EYA2: variants seen among roughly 807,000 people sequenced by gnomAD.
EYA2 encodes the protein EYA transcriptional coactivator and phosphatase 2, also known as protein phosphatase EYA2.
A neutral mutation model predicts 69.2 loss-of-function variants in EYA2; 31 were observed. The observed-to-expected ratio is 0.45, with a 90% CI of 0.34 to 0.60. The LOEUF (loss-of-function observed/expected upper bound fraction) is 0.60, where lower values mean the gene tolerates loss of function less well. Among genes scored for constraint, EYA2 ranks in the 20% least tolerant of loss-of-function variants. The pLI is 0.02. For synonymous variants in EYA2, 257 were observed against 279.4 expected (o/e 0.92, Z 0.80); for missense variants, 622 against 701.2 (o/e 0.89, Z 1.28).
At chr20:47,033,416 G>A (rs1984530031) in intron 5 of EYA2, among the ~76,000 whole-genome samples, 1 of 152,174 alleles carries the variant, frequency 6.6e-6, no homozygotes, top group Non-Finnish European at 1.5e-5. Flanking sequence ...AAATGGCATG[G>A]CTGTGTTCCA....
At chr20:46,940,532 C>T (rs1259501028) in intron 1 of EYA2, among the ~76,000 whole-genome samples, 2 of 152,176 alleles carry the variant, frequency 1.3e-5, no homozygotes, top group Non-Finnish European at 2.9e-5. Flanking sequence ...GTTACAGAGG[C>T]CACATATCTA....
rs565212312 is a variant in EYA2, at chr20:47,057,514, C to T, written c.416-14671C>T. ...CTGCTGACTACTTTTTATATCACCCCCCCCCCCCATCTCATACCTCCAGAC... is the reference window on the plus strand; with the variant it reads ...CTGCTGACTACTTTTTATATCACCCTCCCCCCCCATCTCATACCTCCAGAC... On this transcript the variant is annotated intron_variant, in intron 5 of 15. Coordinates refer to ENST00000327619, the MANE Select transcript of EYA2 (RefSeq NM_005244.5). Among the ~76,000 whole-genome samples the T allele has an allele frequency of 5.1e-4, 76 of 149,812 alleles. 2 individuals carry two copies. The highest frequency in any genetic ancestry group is 1.1e-3 in the Admixed American group (16 of 15,128).
intron 5 of EYA2, among the ~76,000 whole-genome samples, chr20:47,067,406 C>T (rs2031153146): frequency 6.6e-6 from 1 of 151,842 alleles, no homozygotes; most frequent in Non-Finnish European, 1.5e-5. Flanking sequence ...CTATAGTCAA[C>T]AAAAATTTAA....
chr20:46,936,465 C>T (rs1055138905), intron 1 of EYA2, among the ~76,000 whole-genome samples: 1 of 152,056 alleles, frequency 6.6e-6, no homozygotes, highest in Non-Finnish European at 1.5e-5. Context: ...AGCAAGAATC[C>T]GTCTCAATAA....
chr20:46,954,581 T>G (rs1979003795), intron 1 of EYA2, among the ~76,000 whole-genome samples: 1 of 152,124 alleles, frequency 6.6e-6, no homozygotes, highest in African/African-American at 2.4e-5. Context: ...ATGCCACCTC[T>G]CTCCACAAAT....
At chr20:47,169,232 T>A in intron 11 of EYA2, 35 bp downstream of exon 11, 1 of 1,590,356 alleles carries the variant, frequency 6.3e-7, no homozygotes, top group Non-Finnish European at 8.6e-7. Context: ...GCCCATTGAT[T>A]GATTGATTGA....
chr20:47,173,509 TAA>T (rs767756028), intron 12 of EYA2, among the ~76,000 whole-genome samples: 4 of 83,648 alleles, frequency 4.8e-5, no homozygotes, highest in Admixed American at 3.2e-4. Flanking sequence ...TGAGACCCCG[TAA>T]AAAAAAAAAA....
intron 5 of EYA2, among the ~76,000 whole-genome samples, chr20:47,038,660 A>C (rs1984853373): frequency 6.6e-6 from 1 of 152,234 alleles, no homozygotes; most frequent in Non-Finnish European, 1.5e-5. Context: ...ATTTTTAATT[A>C]TACAGTAAGG....
intron 1 of EYA2, among the ~76,000 whole-genome samples, chr20:46,961,907 G>T (rs1387981285): frequency 6.6e-6 from 1 of 152,244 alleles, no homozygotes; most frequent in East Asian, 1.9e-4. Context: ...TAACAGATAT[G>T]AAATTACAGC....
chr20:46,991,519 A>G (rs1451584795), intron 2 of EYA2, among the ~76,000 whole-genome samples: 1 of 152,240 alleles, frequency 6.6e-6, no homozygotes, highest in Admixed American at 6.5e-5. Context: ...AAATAACCAC[A>G]GTAAATTCAA....
At chr20:46,991,618 G>C (rs1981663862) in intron 2 of EYA2, among the ~76,000 whole-genome samples, 1 of 152,178 alleles carries the variant, frequency 6.6e-6, no homozygotes, top group South Asian at 2.1e-4. Context: ...AAGTAAAAGT[G>C]AATTTGTAAA....
intron 1 of EYA2, among the ~76,000 whole-genome samples, chr20:46,958,078 C>G (rs1392991253): frequency 6.6e-6 from 1 of 152,142 alleles, no homozygotes; most frequent in African/African-American, 2.4e-5. Context: ...CACCATGGCT[C>G]CGAAATAGCT....
Position 47,019,249 on chromosome 20 carries a change from C to T in EYA2, c.415+2952C>T, listed in dbSNP as rs553217816. ...TCTCTTCTCGCCCTACCATGGGAAT[C>T]GTCCAGGTTATTTTCTTATCCTCCT... On this transcript the variant is annotated intron_variant, in intron 5 of 15. Transcript: ENST00000327619. Among the ~76,000 whole-genome samples, 10 of 152,312 alleles carry T rather than the reference C, an allele frequency of 6.6e-5. No homozygotes were observed. The East Asian group carries it at 1.7e-3, about 26-fold the overall frequency.
chr20:46,965,957 G>A (rs990000566), intron 1 of EYA2, among the ~76,000 whole-genome samples: 4 of 152,226 alleles, frequency 2.6e-5, no homozygotes, highest in South Asian at 2.1e-4. Context: ...CTGTGTTCAC[G>A]GAATCCAGTG....
rs577443454 is a variant in EYA2 at position 47,075,648 on chromosome 20, C to A, written c.661+1313C>A. Among the ~76,000 whole-genome samples, 242 of 152,224 alleles carry A rather than the reference C, an allele frequency of 1.6e-3. 3 individuals are homozygous for A. Among genetic ancestry groups the A allele is most frequent in the African/African-American group, 5.3e-3 (220 of 41,540 alleles). ...GGGTTCAAGTATAGCGACTCAGGGTCCTCAAGAATTATACAATCCTTCAAA... is the reference window on the plus strand; with the variant it reads ...GGGTTCAAGTATAGCGACTCAGGGTACTCAAGAATTATACAATCCTTCAAA... On this transcript the variant is annotated intron_variant, in intron 7 of 15. Transcript: ENST00000327619.
chr20:47,163,311 G>A (rs1427998631), intron 10 of EYA2, among the ~76,000 whole-genome samples: 1 of 152,162 alleles, frequency 6.6e-6, no homozygotes, highest in East Asian at 1.9e-4. Context: ...GATTACAGAT[G>A]TAAGCCACCG....
intron 9 of EYA2, among the ~76,000 whole-genome samples, chr20:47,137,744 T>G (rs1198712169): frequency 6.6e-6 from 1 of 152,218 alleles, no homozygotes; most frequent in Non-Finnish European, 1.5e-5. Context: ...AATTTTTTTT[T>G]CTTTTAGTTT....
chr20:47,146,706 G>T (rs1003235571), intron 10 of EYA2, among the ~76,000 whole-genome samples: 1 of 152,206 alleles, frequency 6.6e-6, no homozygotes, highest in African/African-American at 2.4e-5. Flanking sequence ...ACCAGAGAGA[G>T]GCGTGCTCAA....
At chr20:47,022,655 CTTTTTT>C (rs3092574) in intron 5 of EYA2, among the ~76,000 whole-genome samples, 2 of 105,592 alleles carry the variant, frequency 1.9e-5, no homozygotes, top group African/African-American at 3.7e-5. Context: ...TAAACTTCAC[CTTTTTT>C]TTTTTTTTTT....
Sources: gnomAD v4.1 joint callset for allele counts (sites outside exome capture counted in the v4.1 genomes callset) on GRCh38, gnomAD v4.1.1 for gene constraint, MANE v1.5 for transcripts, NCBI Gene and HGNC (gene_info 2026-07-23, HGNC 2026-07-21) for gene names.